The following ADGRL3 variants were observed in gnomAD, a reference collection of about 807,000 sequenced individuals.
The protein encoded by ADGRL3 is calcium-independent alpha-latrotoxin receptor 3.
A neutral mutation model predicts 153.5 loss-of-function variants in ADGRL3; 62 were observed. That is an observed-to-expected ratio of 0.40 (90% CI 0.33 to 0.50). ADGRL3 has a LOEUF of 0.50. Ranked by LOEUF, ADGRL3 falls within the 20% of genes least tolerant of loss-of-function variation. ADGRL3 has a pLI of 0.47. For missense variants in ADGRL3, 1,641 were observed against 1,859.4 expected, an observed-to-expected ratio of 0.88 and a Z score of 2.16; for synonymous variants, 710 against 672.5, an observed-to-expected ratio of 1.06 and a Z score of -0.86.
chr4:62,062,468 C>T lies in ADGRL3; in HGVS notation c.3815-5698C>T, dbSNP rs1020149347. 3.3e-5 allele frequency among the ~76,000 whole-genome samples: 5 copies of T among 152,008 alleles called. No individual in the cohort carries two copies. The East Asian group carries it at 7.7e-4, about 23-fold the overall frequency. On this transcript the variant is annotated intron_variant, in intron 25 of 26. Transcript: ENST00000683033. The stretch of plus-strand genomic sequence containing the variant: ...TATATTTAAATGAACATATACCTGT[C>T]AGTTCAACATGACTATTCTCATGCA...
At chr4:61,753,228 G>GAAAA (rs113199384) in intron 8 of ADGRL3, among the ~76,000 whole-genome samples, 1 of 99,908 alleles carries the variant, frequency 1.0e-5, no homozygotes. Context: ...ACATTTCTGT[G>GAAAA]AAAAAAAAAA....
chr4:61,240,627 G>A (rs1038091839), intron 1 of ADGRL3, among the ~76,000 whole-genome samples: 1 of 151,944 alleles, frequency 6.6e-6, no homozygotes, highest in Non-Finnish European at 1.5e-5. Context: ...ACATTAACTC[G>A]ATTTTTTTAA....
At chr4:61,700,689 C>G (rs1237545930) in intron 6 of ADGRL3, among the ~76,000 whole-genome samples, 1 of 152,048 alleles carries the variant, frequency 6.6e-6, no homozygotes, top group Non-Finnish European at 1.5e-5. Context: ...AGTGATTGTA[C>G]AGTGGTGATA....
intron 1 of ADGRL3, among the ~76,000 whole-genome samples, chr4:61,322,035 G>T (rs984694298): frequency 3.3e-5 from 5 of 152,166 alleles, no homozygotes; most frequent in African/African-American, 4.8e-5. Flanking sequence ...AAAGAAAAAG[G>T]TTTATTGGAC....
At chr4:61,321,009 A>G (rs560353517) in intron 1 of ADGRL3, among the ~76,000 whole-genome samples, 1 of 152,224 alleles carries the variant, frequency 6.6e-6, no homozygotes, top group South Asian at 2.1e-4. Context: ...TCTGTCTCAT[A>G]CTGCCTTCTC....
chr4:61,804,175 CTA>C (rs1164375059), intron 8 of ADGRL3, among the ~76,000 whole-genome samples: 1 of 152,150 alleles, frequency 6.6e-6, no homozygotes, highest in Non-Finnish European at 1.5e-5. Context: ...TTTAATTTCT[CTA>C]TGTGCCAATC....
intron 6 of ADGRL3, among the ~76,000 whole-genome samples, chr4:61,717,291 T>G (rs1327895103): frequency 6.6e-6 from 1 of 151,974 alleles, no homozygotes; most frequent in African/African-American, 2.4e-5. Context: ...ACATCATGCA[T>G]TTGAATATAT....
chr4:61,990,605 A>G (rs201779536), intron 19 of ADGRL3, among the ~76,000 whole-genome samples: 3 of 152,052 alleles, frequency 2.0e-5, no homozygotes, highest in East Asian at 3.9e-4. Context: ...TAAAAGTTTC[A>G]CTAACATCGA....
At chr4:62,054,403 A>C (rs1735899399) in intron 25 of ADGRL3, among the ~76,000 whole-genome samples, 1 of 151,614 alleles carries the variant, frequency 6.6e-6, no homozygotes, top group Admixed American at 6.6e-5. Flanking sequence ...CTGTTGGCTT[A>C]AGCAGTTGGA....
intron 6 of ADGRL3, among the ~76,000 whole-genome samples, chr4:61,727,763 C>T (rs2096374559): frequency 6.6e-6 from 1 of 152,116 alleles, no homozygotes; most frequent in Non-Finnish European, 1.5e-5. Flanking sequence ...CATTAAAATA[C>T]ACAGACATTA....
At chr4:61,596,438 C>A (rs752154642) in intron 5 of ADGRL3, among the ~76,000 whole-genome samples, 5 of 152,122 alleles carry the variant, frequency 3.3e-5, no homozygotes, top group Non-Finnish European at 7.3e-5. Context: ...TTGTGCCACA[C>A]TGGTAACTTT....
rs762880399 is a variant in ADGRL3 at position 61,909,561 on chromosome 4, T to A, written c.1889T>A (p.Leu630Ter). The A allele has an allele frequency of 6.2e-7, 1 of 1,608,938 alleles. No individual in the cohort carries two copies. Among genetic ancestry groups the A allele is most frequent in the Non-Finnish European group, 8.5e-7 (1 of 1,177,690 alleles). The stretch of plus-strand genomic sequence containing the variant: ...TTGTATTCCATTTAAAAATTATAGT[T>A]GAAATCTGGTGAAACAGCTGCCAAC... ...SPWVNHITQKLKSGETAANIA... is the reference protein window; with the variant it reads ...SPWVNHITQK The change falls in exon 12 of 27, where the codon TTG becomes TAG. Residue 630 changes from leucine to a stop codon, truncating the protein, a stop_gained and splice_region_variant. Coordinates refer to ENST00000683033, the MANE Select transcript of ADGRL3 (RefSeq NM_001387552.1). LOFTEE classifies it high-confidence loss of function.
At chr4:61,675,033 AGT>A (rs1489511874) in intron 5 of ADGRL3, among the ~76,000 whole-genome samples, 1 of 151,984 alleles carries the variant, frequency 6.6e-6, no homozygotes, top group African/African-American at 2.4e-5. Flanking sequence ...ATGAGTATGG[AGT>A]ATTAGCTTTT....
At chr4:61,405,900 A>G (rs1216892995) in intron 2 of ADGRL3, among the ~76,000 whole-genome samples, 1 of 151,944 alleles carries the variant, frequency 6.6e-6, no homozygotes, top group Non-Finnish European at 1.5e-5. Context: ...TGCTAAACCT[A>G]CCAGAAATAC....
chr4:61,302,802 A>G (rs72614719), intron 1 of ADGRL3, among the ~76,000 whole-genome samples: 19,656 of 152,134 alleles, frequency 0.13, 1,448 homozygotes, highest in South Asian at 0.27. Context: ...ATCCTGGAAA[A>G]CTATATACTT....
At chr4:61,771,157 T>C (rs1344233451) in intron 8 of ADGRL3, among the ~76,000 whole-genome samples, 2 of 152,184 alleles carry the variant, frequency 1.3e-5, no homozygotes, top group South Asian at 2.1e-4. Context: ...AGTCCCTCCA[T>C]ATTGATTTAT....
chr4:61,747,229 C>A (rs938544640), intron 8 of ADGRL3, among the ~76,000 whole-genome samples: 3 of 150,006 alleles, frequency 2.0e-5, no homozygotes, highest in African/African-American at 5.0e-5. Context: ...GCTTACCAAC[C>A]AAAAAGAGTC....
At chr4:61,364,569 G>A (rs1477231900) in intron 1 of ADGRL3, among the ~76,000 whole-genome samples, 1 of 151,930 alleles carries the variant, frequency 6.6e-6, no homozygotes, top group African/African-American at 2.4e-5. Flanking sequence ...GCTTTAAGCA[G>A]CTATTTATTT....
intron 20 of ADGRL3, among the ~76,000 whole-genome samples, chr4:61,997,209 T>C (rs1246705610): frequency 7.0e-6 from 1 of 143,286 alleles, no homozygotes; most frequent in African/African-American, 2.6e-5. Flanking sequence ...CAGTGGAGAC[T>C]AGGCAGCACT....
Sources: allele counts gnomAD v4.1 joint callset (sites outside exome capture counted in the v4.1 genomes callset), GRCh38; gene constraint gnomAD v4.1.1; transcripts MANE v1.5; gene names NCBI Gene and HGNC (gene_info 2026-07-23, HGNC 2026-07-21).